The following BCKDHB variants were observed in gnomAD, a reference collection of about 807,000 sequenced individuals.
BCKDHB encodes branched chain keto acid dehydrogenase E1 subunit beta.
A neutral mutation model predicts 48.5 loss-of-function variants in BCKDHB; 41 were observed. The ratio of observed to expected loss-of-function variants is 0.85; its 90% CI spans 0.66 to 1.10. The LOEUF (loss-of-function observed/expected upper bound fraction) is 1.10, where lower values mean the gene tolerates loss of function less well. Among genes scored for constraint, BCKDHB ranks in the 50% least tolerant of loss-of-function variants. The probability of loss-of-function intolerance (pLI) is 0.00; values close to 1 mark genes in which losing one functional copy is unlikely to be tolerated. For synonymous variants in BCKDHB, 201 were observed against 174.8 expected (o/e 1.15, Z -1.18); for missense variants, 496 against 494.2 (o/e 1.00, Z -0.03).
At chr6:80,374,435 T>C in the BCKDHB span, 2 of 768,690 alleles carry the variant, frequency 2.6e-6, no homozygotes, top group African/African-American at 1.7e-5. Flanking sequence ...TCAGATATTT[T>C]GTGGCTTTTC....
the BCKDHB span, among the ~76,000 whole-genome samples, chr6:80,366,641 A>G: frequency 6.6e-6 from 1 of 152,206 alleles, no homozygotes; most frequent in Non-Finnish European, 1.5e-5. Context: ...GTAGTGCCCA[A>G]CGTACAGAGA....
the BCKDHB span, among the ~76,000 whole-genome samples, chr6:80,362,915 T>C: frequency 6.6e-6 from 1 of 152,206 alleles, no homozygotes; most frequent in Admixed American, 6.5e-5. Context: ...TGCCTTTAGA[T>C]GTAAGTTTAA....
At chr6:80,184,870 C>G (rs544308361) in intron 6 of BCKDHB, among the ~76,000 whole-genome samples, 1 of 152,146 alleles carries the variant, frequency 6.6e-6, no homozygotes, top group Non-Finnish European at 1.5e-5. Context: ...TCTGAAGATT[C>G]TTTCCTTTGT....
downstream of BCKDHB, among the ~76,000 whole-genome samples, chr6:80,349,666 C>A (rs568395405): frequency 2.7e-4 from 41 of 152,134 alleles, no homozygotes; most frequent in African/African-American, 9.4e-4. Flanking sequence ...TAATTCATAT[C>A]AGACAAAATA....
the BCKDHB span, among the ~76,000 whole-genome samples, chr6:80,358,345 C>A: frequency 0.95 from 144,679 of 152,222 alleles, 69,200 homozygotes; most frequent in Middle Eastern, 1. Flanking sequence ...ATCTTTCAGG[C>A]TATGAGTTGT....
intron 8 of BCKDHB, among the ~76,000 whole-genome samples, chr6:80,204,477 G>T (rs974422325): frequency 6.6e-6 from 1 of 151,962 alleles, no homozygotes; most frequent in East Asian, 1.9e-4. Flanking sequence ...ATAGCCAGAC[G>T]TTCCAAATTA....
At chr6:80,129,108 G>A in intron 2 of BCKDHB, 53 bp from the exon 3 acceptor site, 5 of 1,241,546 alleles carry the variant, frequency 4.0e-6, no homozygotes, top group South Asian at 1.3e-5. Context: ...CTCATTGTTA[G>A]TATTATTTAG....
the BCKDHB span, among the ~76,000 whole-genome samples, chr6:80,427,763 C>T: frequency 2.3e-3 from 349 of 152,234 alleles, 2 homozygotes; most frequent in Non-Finnish European, 2.4e-3. Flanking sequence ...TTCTTCAAAT[C>T]TTTGAAGATG....
chr6:80,449,917 G>A, the BCKDHB span, among the ~76,000 whole-genome samples: 1 of 151,838 alleles, frequency 6.6e-6, no homozygotes, highest in African/African-American at 2.4e-5. Context: ...GTTTCCAATA[G>A]GAAGTTGCTG....
At chr6:80,337,398 T>C (rs1769647867) in intron 9 of BCKDHB, among the ~76,000 whole-genome samples, 1 of 152,098 alleles carries the variant, frequency 6.6e-6, no homozygotes, top group South Asian at 2.1e-4. Context: ...TTATGACCTC[T>C]AGAAGGTAAT....
At chr6:80,148,607 A>C (rs2127750482) in intron 3 of BCKDHB, among the ~76,000 whole-genome samples, 1 of 152,214 alleles carries the variant, frequency 6.6e-6, no homozygotes, top group Non-Finnish European at 1.5e-5. Context: ...AGTCTTATTT[A>C]ATTTAAAAAT....
At chr6:80,419,255 G>C in the BCKDHB span, among the ~76,000 whole-genome samples, 2 of 152,196 alleles carry the variant, frequency 1.3e-5, no homozygotes, top group Non-Finnish European at 2.9e-5. Flanking sequence ...GAAAGAATGT[G>C]TGGGCTGTTG....
intron 1 of BCKDHB, chr6:80,127,294 G>T: frequency 2.3e-6 from 1 of 440,104 alleles, no homozygotes; most frequent in Non-Finnish European, 4.2e-6. Flanking sequence ...TTAGTCACTT[G>T]GTTATATTCC....
the BCKDHB span, among the ~76,000 whole-genome samples, chr6:80,410,953 G>T: frequency 6.6e-6 from 1 of 152,148 alleles, no homozygotes; most frequent in South Asian, 2.1e-4. Flanking sequence ...CTGTCAACTT[G>T]TCACAGTCAT....
At chr6:80,314,282 C>G (rs559269716) in intron 9 of BCKDHB, among the ~76,000 whole-genome samples, 1 of 152,228 alleles carries the variant, frequency 6.6e-6, no homozygotes, top group South Asian at 2.1e-4. Context: ...CTTGAGCTGT[C>G]ACTCAGTCAG....
At chr6:80,328,965 G>A (rs1279284423) in intron 9 of BCKDHB, among the ~76,000 whole-genome samples, 1 of 152,080 alleles carries the variant, frequency 6.6e-6, no homozygotes, top group Non-Finnish European at 1.5e-5. Flanking sequence ...TCAATTTTGA[G>A]CCTTTTTCTT....
chr6:80,272,826 A>G (rs891527396), intron 8 of BCKDHB, among the ~76,000 whole-genome samples: 2 of 152,222 alleles, frequency 1.3e-5, no homozygotes, highest in Non-Finnish European at 1.5e-5. Context: ...AAATACAGCA[A>G]TTCAGTTTAT....
chr6:80,238,744 T>C (rs865974286), intron 8 of BCKDHB, among the ~76,000 whole-genome samples: 1,714 of 125,340 alleles, frequency 0.014, 26 homozygotes, highest in African/African-American at 0.041. Flanking sequence ...ATGCTATCCC[T>C]CCCCCCTCCT....
chr6:80,269,099 A>G lies in BCKDHB; in HGVS notation c.952-4036A>G, dbSNP rs539351781. ...AGTTAACTTTTCTTGAGTGTCTACA[A>G]TGTTCAGAGCACTGTGCTAGACATT... On this transcript the variant is annotated intron_variant, in intron 8 of 9. Transcript: ENST00000320393. Among the ~76,000 whole-genome samples the G allele has an allele frequency of 2.0e-3, 305 of 152,266 alleles. 3 individuals are homozygous for G. The highest frequency in any genetic ancestry group is 3.7e-3 in the Non-Finnish European group (254 of 68,012).
Sources: gnomAD v4.1 joint callset for allele counts (sites outside exome capture counted in the v4.1 genomes callset) on GRCh38, gnomAD v4.1.1 for gene constraint, MANE v1.5 for transcripts, NCBI Gene and HGNC (gene_info 2026-07-23, HGNC 2026-07-21) for gene names.